PPM1A: variants seen among roughly 807,000 people sequenced by gnomAD.
PPM1A encodes protein phosphatase, Mg2+/Mn2+ dependent 1A.
Under a neutral mutation model 35.0 loss-of-function variants are expected in PPM1A, and 7 were observed. The observed-to-expected ratio is 0.20, with a 90% CI of 0.11 to 0.38. PPM1A has a LOEUF of 0.38. Ranked by LOEUF, PPM1A falls within the 10% of genes least tolerant of loss-of-function variation. The pLI, the probability that PPM1A is intolerant of heterozygous loss-of-function variation, is 1.00. For missense variants in PPM1A, 239 were observed against 467.8 expected (o/e 0.51, Z 4.51); for synonymous variants, 153 against 167.3 (o/e 0.91, Z 0.66).
chr14:60,261,027 GC>G (rs1883689740), intron 1 of PPM1A, among the ~76,000 whole-genome samples: 2 of 152,104 alleles, frequency 1.3e-5, no homozygotes, highest in South Asian at 4.1e-4. Flanking sequence ...TTGTTCAGCA[GC>G]CTCTCAACTT....
rs1429904463 is a variant in PPM1A at position 60,273,327 on chromosome 14, T to A, written c.-20-9357T>A. ...ATCTAAGACATGAGAGAACAGCTGTTAAGGTAGGGAAAGTAGCATTTGTTT... is the reference window on the plus strand; with the variant it reads ...ATCTAAGACATGAGAGAACAGCTGTAAAGGTAGGGAAAGTAGCATTTGTTT... On this transcript the variant is annotated intron_variant, in intron 1 of 5. Coordinates refer to ENST00000395076, the MANE Select transcript of PPM1A (RefSeq NM_021003.5). This position sits in a 1 kb window ranked among gnomAD's most constrained non-coding sequence, Gnocchi z 4.3. Among the ~76,000 whole-genome samples, 1 of 152,126 alleles carries A rather than the reference T, an allele frequency of 6.6e-6. No individual in the cohort carries two copies. Among genetic ancestry groups the A allele is most frequent in the Admixed American group, 6.5e-5 (1 of 15,276 alleles).
Position 60,283,592 on chromosome 14 carries a change from C to T in PPM1A, c.834+55C>T. Reference sequence around the variant, plus strand: ...TGATTTTATGCCATATTAATCACTACTCTAGTATTTAATCATCTTAGAATC... The same window carrying T: ...TGATTTTATGCCATATTAATCACTATTCTAGTATTTAATCATCTTAGAATC... On this transcript the variant is annotated intron_variant, in intron 2 of 5. Transcript: ENST00000395076. This position sits in a 1 kb window ranked among gnomAD's most constrained non-coding sequence, Gnocchi z 6.3. 1 of 1,492,686 alleles carries T rather than the reference C, an allele frequency of 6.7e-7. No homozygotes were observed. Among genetic ancestry groups the T allele is most frequent in the Non-Finnish European group, 9.0e-7 (1 of 1,113,716 alleles). The allele number at this position is 1,492,686 out of a possible 1,614,324, so 92.5% of individuals were successfully genotyped here.
intron 1 of PPM1A, among the ~76,000 whole-genome samples, chr14:60,281,434 C>T (rs1026515260): frequency 6.6e-6 from 1 of 152,124 alleles, no homozygotes; most frequent in Non-Finnish European, 1.5e-5. Flanking sequence ...TTTCTTCTTG[C>T]CCTTTTTCTC....
intron 1 of PPM1A, among the ~76,000 whole-genome samples, chr14:60,275,265 C>T (rs2139476412): frequency 6.6e-6 from 1 of 151,712 alleles, no homozygotes; most frequent in Non-Finnish European, 1.5e-5. Context: ...TGCAAGGATA[C>T]AGGATAGCAC....
intron 1 of PPM1A, among the ~76,000 whole-genome samples, chr14:60,271,837 A>T (rs1405986308): frequency 1.3e-5 from 2 of 152,068 alleles, no homozygotes; most frequent in African/African-American, 2.4e-5. Flanking sequence ...TACTTTACTA[A>T]TGATATTTAC....
intron 1 of PPM1A, among the ~76,000 whole-genome samples, chr14:60,251,193 A>G (rs1303988861): frequency 1.3e-5 from 2 of 152,264 alleles, no homozygotes; most frequent in South Asian, 2.1e-4. Flanking sequence ...TATTGAAACT[A>G]TAATGAACTT....
intron 1 of PPM1A, among the ~76,000 whole-genome samples, chr14:60,252,733 T>G (rs1440018563): frequency 6.6e-6 from 1 of 152,202 alleles, no homozygotes; most frequent in Non-Finnish European, 1.5e-5. Context: ...TGGGTTAACC[T>G]ATATCAAAAT....
chr14:60,253,104 A>G (rs928444749), intron 1 of PPM1A, among the ~76,000 whole-genome samples: 3 of 152,196 alleles, frequency 2.0e-5, no homozygotes, highest in African/African-American at 7.2e-5. Context: ...AGATGTTTTA[A>G]GCTTCCTTGA....
At chr14:60,276,730 TG>T (rs1885804428) in intron 1 of PPM1A, among the ~76,000 whole-genome samples, 1 of 152,210 alleles carries the variant, frequency 6.6e-6, no homozygotes. Context: ...GGGGCTAACA[TG>T]TTGCATAGGG....
intron 1 of PPM1A, among the ~76,000 whole-genome samples, chr14:60,276,653 A>G (rs1016721418): frequency 6.6e-6 from 1 of 152,212 alleles, no homozygotes; most frequent in African/African-American, 2.4e-5. Flanking sequence ...AAAAATATGT[A>G]GGGTTTTATT....
intron 1 of PPM1A, among the ~76,000 whole-genome samples, chr14:60,261,872 G>A (rs1478567641): frequency 2.6e-5 from 4 of 152,144 alleles, no homozygotes; most frequent in Non-Finnish European, 4.4e-5. Flanking sequence ...TCACATATAG[G>A]TGTAAAGTCA....
rs143412790 is a variant in PPM1A, at chr14:60,270,013, T to A, written c.-20-12671T>A. On this transcript the variant is annotated intron_variant, in intron 1 of 5. Coordinates refer to ENST00000395076, the MANE Select transcript of PPM1A (RefSeq NM_021003.5). ...TGATTTATTTCTTCTGCCTTTGAAATTTAATTTTTCTTCCATTATTTGGTT... is the reference window on the plus strand; with the variant it reads ...TGATTTATTTCTTCTGCCTTTGAAAATTAATTTTTCTTCCATTATTTGGTT... 6.7e-3 allele frequency among the ~76,000 whole-genome samples: 1,027 copies of A among 152,348 alleles called. 18 individuals carry two copies. Among genetic ancestry groups the A allele is most frequent in the African/African-American group, 0.023 (968 of 41,576 alleles).
At position 60,283,348 on chromosome 14, in the gene PPM1A, C is replaced by T; in HGVS notation, c.645C>T (p.Val215=). 6.2e-7 allele frequency: 1 copy of T among 1,614,150 alleles called. No homozygotes were observed. Among genetic ancestry groups the T allele is most frequent in the Non-Finnish European group, 8.5e-7 (1 of 1,180,036 alleles). The change falls in exon 2 of 6, where the codon GTC becomes GTT. Residue 215 remains valine (V), a synonymous_variant. Transcript: ENST00000395076. The surrounding 1 kb of genome is among the most constrained non-coding windows in gnomAD (Gnocchi z 6.3). ...VHGKGPTEQL[V]SPEPEVHDIE... ...GAAAAGGTCCTACTGAGCAGCTTGT[C>T]TCACCAGAGCCTGAAGTCCATGATA...
At position 60,282,635 on chromosome 14, in the gene PPM1A, T is replaced by C. The variant is rs751216704; in HGVS notation, c.-20-49T>C. The C allele has an allele frequency of 2.5e-6, 4 of 1,568,798 alleles. No homozygotes were observed. The highest frequency in any genetic ancestry group is 8.6e-7 in the Non-Finnish European group (1 of 1,157,212). ...TATTAAAAAGATTGTTTGGTACATA[T>C]TTTGTTTATAAGACAGTTATTGACT... On this transcript the variant is annotated intron_variant, in intron 1 of 5. Coordinates refer to ENST00000395076, the MANE Select transcript of PPM1A (RefSeq NM_021003.5). The surrounding 1 kb of genome is among the most constrained non-coding windows in gnomAD (Gnocchi z 5.1).
intron 1 of PPM1A, among the ~76,000 whole-genome samples, chr14:60,255,751 G>A (rs957331749): frequency 6.6e-6 from 1 of 152,184 alleles, no homozygotes; most frequent in Admixed American, 6.5e-5. Context: ...GGATATTTAA[G>A]TGTGAAGATT....
At chr14:60,276,939 G>A (rs1595339628) in intron 1 of PPM1A, 2 of 718,772 alleles carry the variant, frequency 2.8e-6, no homozygotes, top group Non-Finnish European at 3.7e-6. Context: ...TTTTTAAAAG[G>A]TACAAAATGT....
At position 60,296,964 on chromosome 14, in the gene PPM1A, A is replaced by G; in HGVS notation, c.*4482A>G. On this transcript the variant is annotated 3_prime_UTR_variant, in exon 6 of 6. Coordinates refer to ENST00000395076, the MANE Select transcript of PPM1A (RefSeq NM_021003.5). The surrounding 1 kb of genome is among the most constrained non-coding windows in gnomAD (Gnocchi z 4.4). ...TTACTAGCAGGTAGGAGTGCTAATT[A>G]GAAAAACTTAGATGGTATTGAAATT... 1 of 243,130 alleles carries G rather than the reference A, an allele frequency of 4.1e-6. No homozygotes were observed. The highest frequency in any genetic ancestry group is 7.8e-5 in the East Asian group (1 of 12,758). The allele number at this position is 243,130 out of a possible 1,614,324, so 15.1% of individuals were successfully genotyped here.
chr14:60,274,220 C>T (rs945029489), intron 1 of PPM1A, among the ~76,000 whole-genome samples: 3 of 152,024 alleles, frequency 2.0e-5, no homozygotes, highest in African/African-American at 7.3e-5. Flanking sequence ...AAGAGTGTTT[C>T]TGGAGGGAGT....
chr14:60,284,011 T>C (rs1417723093), intron 2 of PPM1A, among the ~76,000 whole-genome samples: 1 of 152,226 alleles, frequency 6.6e-6, no homozygotes, highest in African/African-American at 2.4e-5. Context: ...GTAATAGAAA[T>C]AGCCTTGTAC....
Sources: gnomAD v4.1 joint callset for allele counts (sites outside exome capture counted in the v4.1 genomes callset) on GRCh38, gnomAD v4.1.1 for gene constraint, Gnocchi (gnomAD v3.1) non-coding constraint, MANE v1.5 for transcripts, NCBI Gene and HGNC (gene_info 2026-07-23, HGNC 2026-07-21) for gene names.